VPS36: variants seen among roughly 807,000 people sequenced by gnomAD.
The protein encoded by VPS36 is vacuolar protein-sorting-associated protein 36.
Under a neutral mutation model 63.5 loss-of-function variants are expected in VPS36, and 31 were observed. The observed-to-expected ratio is 0.49, with a 90% CI of 0.37 to 0.66. The LOEUF is 0.66. Among genes scored for constraint, VPS36 ranks in the 30% least tolerant of loss-of-function variants. The pLI is 0.00. For missense variants in VPS36, 338 were observed against 463.7 expected, an observed-to-expected ratio of 0.73 and a Z score of 2.49; for synonymous variants, 138 against 157.2, an observed-to-expected ratio of 0.88 and a Z score of 0.91.
intron 10 of VPS36, 142 bp downstream of exon 10, chr13:52,423,432 C>T (rs762634131): frequency 1.7e-6 from 1 of 604,308 alleles, no homozygotes; most frequent in East Asian, 3.0e-5. Context: ...CCTCCTAGAT[C>T]CCAGGACAGT....
Position 52,445,421 on chromosome 13 carries a change from C to G in VPS36, c.97-2976G>C, listed in dbSNP as rs60539260. 8.8e-3 allele frequency among the ~76,000 whole-genome samples: 1,332 copies of G among 150,992 alleles called. 15 individuals are homozygous for G. Among genetic ancestry groups the G allele is most frequent in the African/African-American group, 0.031 (1,272 of 41,126 alleles). ...TTGGGAGGCCGAGGAAGGCGGATCA[C>G]GAGGTCAGGAGATCGAGACCATCCT... On this transcript the variant is annotated intron_variant, in intron 1 of 13. Transcript: ENST00000378060.
At chr13:52,449,465 C>T (rs1182661206) in intron 1 of VPS36, among the ~76,000 whole-genome samples, 1 of 152,176 alleles carries the variant, frequency 6.6e-6, no homozygotes, top group Non-Finnish European at 1.5e-5. Flanking sequence ...AGAAAATGCC[C>T]TAAGAGAGTC....
rs749699027 is a variant in VPS36, at chr13:52,434,890, G to A, written c.352-8C>T. On this transcript the variant is annotated splice_region_variant and splice_polypyrimidine_tract_variant and intron_variant, in intron 4 of 13. Coordinates refer to ENST00000378060, the MANE Select transcript of VPS36 (RefSeq NM_016075.4). ...TGATAAACGCCTGTAAAACTGATAC[G>A]CAAATAAATACACTTTAAATGACTC... The A allele has an allele frequency of 1.4e-5, 23 of 1,608,820 alleles. No homozygotes were observed. The highest frequency in any genetic ancestry group is 1.9e-5 in the Non-Finnish European group (22 of 1,176,606).
At position 52,433,685 on chromosome 13, in the gene VPS36, C is replaced by T. The variant is rs144817587; in HGVS notation, c.505G>A (p.Glu169Lys). ...ACCTCAGAAATGTTTTTGTCAGTTT[C>T]TTTTCTTTTTTCTTCCAGTTTCCTT... The part of the protein sequence containing the change: ...IERKLEEKRK[E>K]TDKNISEAFE... Residue 169 changes from glutamate to lysine, a missense_variant, in exon 6 of 14, where the codon GAA becomes AAA. Transcript: ENST00000378060. The T allele has an allele frequency of 6.2e-7, 1 of 1,613,158 alleles. No individual in the cohort carries two copies. The highest frequency in any genetic ancestry group is 8.5e-7 in the Non-Finnish European group (1 of 1,179,628).
chr13:52,429,983 C>T (rs972810807), intron 6 of VPS36, among the ~76,000 whole-genome samples: 5 of 151,970 alleles, frequency 3.3e-5, no homozygotes, highest in African/African-American at 9.7e-5. Context: ...TCTTCAATTA[C>T]GGGAGGGTCC....
At chr13:52,420,177 G>A (rs573410836) in intron 10 of VPS36, among the ~76,000 whole-genome samples, 2 of 151,310 alleles carry the variant, frequency 1.3e-5, no homozygotes, top group African/African-American at 4.8e-5. Context: ...GGGAGGTGGA[G>A]GTTGCAGTGA....
chr13:52,428,371 T>G (rs905121767), intron 6 of VPS36, among the ~76,000 whole-genome samples: 2 of 152,198 alleles, frequency 1.3e-5, no homozygotes, highest in Non-Finnish European at 2.9e-5. Context: ...TAATAGTGGC[T>G]CTGATCAGCT....
At chr13:52,443,266 T>C (rs1958299282) in intron 1 of VPS36, among the ~76,000 whole-genome samples, 2 of 152,154 alleles carry the variant, frequency 1.3e-5, no homozygotes, top group Non-Finnish European at 2.9e-5. Flanking sequence ...AGAAGACCTT[T>C]CTAAGAAGGC....
At chr13:52,426,936 T>C (rs1958107780) in intron 8 of VPS36, 53 bp downstream of exon 8, 5 of 1,231,388 alleles carry the variant, frequency 4.1e-6, no homozygotes, top group Non-Finnish European at 4.6e-6. Flanking sequence ...ACAAAAACCT[T>C]ACTGCATTGT....
rs61005164 is a variant in VPS36, at chr13:52,446,106, T to TA, written c.97-3662dup. ...TCTACTAAAAATAAAAAATAAAAAA[T>TA]AAAAAAAAAAATTGCCGGGCGTGGT... On this transcript the variant is annotated intron_variant, in intron 1 of 13. Transcript: ENST00000378060. Among the ~76,000 whole-genome samples the TA allele has an allele frequency of 3.0e-3, 354 of 118,586 alleles. 4 individuals are homozygous for TA. Among genetic ancestry groups the TA allele is most frequent in the African/African-American group, 9.0e-3 (290 of 32,340 alleles). The allele number at this position is 118,586 out of a possible 152,430, so 77.8% of individuals were successfully genotyped here. A position where few individuals can be genotyped will look rare whatever the true frequency, so the allele number is the denominator to read the frequency against.
chr13:52,447,457 C>T (rs1958355952), intron 1 of VPS36, among the ~76,000 whole-genome samples: 3 of 152,166 alleles, frequency 2.0e-5, no homozygotes, highest in African/African-American at 7.2e-5. Context: ...GCTGAGGCTA[C>T]AGAAGTGTCT....
intron 1 of VPS36, among the ~76,000 whole-genome samples, chr13:52,443,193 C>T (rs943627887): frequency 2.0e-5 from 3 of 151,410 alleles, no homozygotes; most frequent in Non-Finnish European, 4.4e-5. Flanking sequence ...GAGTAAAAAA[C>T]GAAAAAAATT....
intron 2 of VPS36, 48 bp downstream of exon 2, chr13:52,442,329 A>G: frequency 6.5e-7 from 1 of 1,536,796 alleles, no homozygotes; most frequent in Non-Finnish European, 8.8e-7. Flanking sequence ...TCTAAAAAAT[A>G]AATAAACAAA....
At chr13:52,423,784 A>T (rs1958069269) in intron 9 of VPS36, 145 bp from the exon 10 acceptor site, 1 of 637,532 alleles carries the variant, frequency 1.6e-6, no homozygotes, top group Non-Finnish European at 2.6e-6. Flanking sequence ...TACAAAGGAG[A>T]ACCTATTCAG....
chr13:52,441,177 G>A lies in VPS36; in HGVS notation c.165+1200C>T, dbSNP rs142009808. ...TCTAAGGCATGCATTATCAACAGGG[G>A]CAATATCAGACCTAGGAGACAAAAA... On this transcript the variant is annotated intron_variant, in intron 2 of 13. Coordinates refer to ENST00000378060, the MANE Select transcript of VPS36 (RefSeq NM_016075.4). Among the ~76,000 whole-genome samples the A allele has an allele frequency of 2.0e-5, 3 of 152,226 alleles. No individual in the cohort carries two copies. In the East Asian group the frequency reaches 5.8e-4, roughly 29 times the overall value.
At chr13:52,423,451 A>T in intron 10 of VPS36, 123 bp downstream of exon 10, 1 of 735,270 alleles carries the variant, frequency 1.4e-6, no homozygotes, top group Non-Finnish European at 2.2e-6. Context: ...GTATTCTTTC[A>T]CTGTACCACA....
chr13:52,442,025 C>T (rs1958283634), intron 2 of VPS36, among the ~76,000 whole-genome samples: 1 of 152,214 alleles, frequency 6.6e-6, no homozygotes, highest in African/African-American at 2.4e-5. Context: ...CCAGTAACTA[C>T]ATGGATTTTT....
intron 10 of VPS36, among the ~76,000 whole-genome samples, chr13:52,419,876 A>G (rs1474562558): frequency 6.6e-6 from 1 of 152,176 alleles, no homozygotes; most frequent in African/African-American, 2.4e-5. Flanking sequence ...AATGGTCACT[A>G]GAGGGTGGGA....
intron 10 of VPS36, among the ~76,000 whole-genome samples, chr13:52,422,690 T>C (rs1442538541): frequency 1.3e-5 from 2 of 152,246 alleles, no homozygotes; most frequent in Non-Finnish European, 2.9e-5. Flanking sequence ...TTAAGGATAA[T>C]AGCTTCCAGC....
Sources: allele counts gnomAD v4.1 joint callset (sites outside exome capture counted in the v4.1 genomes callset), GRCh38; gene constraint gnomAD v4.1.1; transcripts MANE v1.5; gene names NCBI Gene and HGNC (gene_info 2026-07-23, HGNC 2026-07-21).